Variants in CDH13 observed in about 807,000 individuals in gnomAD.
CDH13 encodes the protein cadherin 13.
A neutral mutation model predicts 63.8 loss-of-function variants in CDH13; 24 were observed. The ratio of observed to expected loss-of-function variants is 0.38; its 90% confidence interval spans 0.27 to 0.53. The LOEUF (loss-of-function observed/expected upper bound fraction) is 0.53. CDH13 is among the 20% of genes least tolerant of loss of function. The pLI, the probability that CDH13 is intolerant of heterozygous loss-of-function variation, is 0.85. For missense variants in CDH13, 1,049 were observed against 903.1 expected (o/e 1.16, Z -2.07); for synonymous variants, 503 against 355.3 (o/e 1.42, Z -4.67).
intron 1 of CDH13, among the ~76,000 whole-genome samples, chr16:82,813,334 C>G (rs374702408): frequency 1.3e-5 from 2 of 152,106 alleles, no homozygotes; most frequent in African/African-American, 4.8e-5. Flanking sequence ...CTCTTGGGAT[C>G]AGAACTGCAG....
At chr16:82,981,269 C>G (rs377661568) in intron 2 of CDH13, among the ~76,000 whole-genome samples, 2 of 152,148 alleles carry the variant, frequency 1.3e-5, no homozygotes, top group East Asian at 1.9e-4. Context: ...AGTTTGTGTC[C>G]TGATAAATGT....
At chr16:83,758,143 C>T (rs1913667300) in intron 11 of CDH13, among the ~76,000 whole-genome samples, 1 of 151,882 alleles carries the variant, frequency 6.6e-6, no homozygotes, top group South Asian at 2.1e-4. Context: ...GATGGCTTTG[C>T]TACATGTTTC....
intron 1 of CDH13, among the ~76,000 whole-genome samples, chr16:82,708,367 C>T (rs1448283716): frequency 6.6e-6 from 1 of 152,146 alleles, no homozygotes; most frequent in African/African-American, 2.4e-5. Flanking sequence ...TAAGGGGATG[C>T]AAGAAACACT....
At chr16:82,834,347 C>T (rs80062332) in intron 1 of CDH13, among the ~76,000 whole-genome samples, 63 of 152,250 alleles carry the variant, frequency 4.1e-4, no homozygotes, top group African/African-American at 1.5e-3. Flanking sequence ...CACGAGGAGG[C>T]CCCTAAACAT....
At chr16:82,850,547 C>G (rs542046027) in intron 1 of CDH13, among the ~76,000 whole-genome samples, 1 of 152,148 alleles carries the variant, frequency 6.6e-6, no homozygotes, top group Non-Finnish European at 1.5e-5. Flanking sequence ...CGTACCTAAA[C>G]TTAGTTGATA....
chr16:82,747,419 A>G (rs527651648), intron 1 of CDH13, among the ~76,000 whole-genome samples: 1 of 151,998 alleles, frequency 6.6e-6, no homozygotes, highest in Non-Finnish European at 1.5e-5. Context: ...TTAGGTATAA[A>G]TGAAAGGTCT....
At chr16:82,748,305 C>A (rs906984899) in intron 1 of CDH13, among the ~76,000 whole-genome samples, 5 of 152,182 alleles carry the variant, frequency 3.3e-5, no homozygotes, top group Admixed American at 3.3e-4. Flanking sequence ...GGCTTCATTG[C>A]ACATGGCAAT....
intron 3 of CDH13, among the ~76,000 whole-genome samples, chr16:83,078,984 G>A (rs1220685126): frequency 2.6e-5 from 4 of 152,014 alleles, no homozygotes; most frequent in South Asian, 2.1e-4. Flanking sequence ...TAGTAGAGAC[G>A]GGGTTTCACC....
At chr16:83,390,847 G>A (rs2091772098) in intron 6 of CDH13, among the ~76,000 whole-genome samples, 1 of 152,158 alleles carries the variant, frequency 6.6e-6, no homozygotes, top group South Asian at 2.1e-4. Context: ...CAACTCAGGG[G>A]AAGATTTGCT....
At chr16:83,496,198 C>G (rs2074139459) in intron 7 of CDH13, among the ~76,000 whole-genome samples, 1 of 151,812 alleles carries the variant, frequency 6.6e-6, no homozygotes, top group Admixed American at 6.6e-5. Context: ...GCCCGCATCG[C>G]CAAGTCAATC....
At chr16:83,531,893 TCA>T (rs2075091717) in intron 7 of CDH13, among the ~76,000 whole-genome samples, 1 of 152,166 alleles carries the variant, frequency 6.6e-6, no homozygotes, top group Admixed American at 6.5e-5. Context: ...GTTAGGGCAG[TCA>T]CAAGAAGCTC....
intron 2 of CDH13, among the ~76,000 whole-genome samples, chr16:82,918,657 C>T (rs1380576116): frequency 1.3e-5 from 2 of 152,008 alleles, no homozygotes; most frequent in Non-Finnish European, 2.9e-5. Context: ...TACAGGTACC[C>T]ACTGCCACGC....
intron 10 of CDH13, among the ~76,000 whole-genome samples, chr16:83,712,225 A>G (rs913428868): frequency 4.6e-5 from 7 of 152,132 alleles, no homozygotes; most frequent in African/African-American, 1.7e-4. Context: ...GCACCACTAA[A>G]ATTTGGCAGC....
intron 2 of CDH13, among the ~76,000 whole-genome samples, chr16:83,029,624 T>G (rs1916121796): frequency 6.6e-6 from 1 of 151,926 alleles, no homozygotes; most frequent in Non-Finnish European, 1.5e-5. Flanking sequence ...TAGGAGAGAG[T>G]GCATACTGTA....
At chr16:83,339,497 G>C (rs1231559363) in intron 5 of CDH13, among the ~76,000 whole-genome samples, 4 of 152,136 alleles carry the variant, frequency 2.6e-5, no homozygotes, top group Non-Finnish European at 5.9e-5. Context: ...ACTTTCATGT[G>C]TTATTTTAGT....
chr16:83,069,025 A>G (rs1445476072), intron 3 of CDH13, among the ~76,000 whole-genome samples: 1 of 152,232 alleles, frequency 6.6e-6, no homozygotes, highest in Admixed American at 6.5e-5. Context: ...TGGATATCCC[A>G]GAACAAGAAG....
At chr16:82,681,037 C>T (rs150969169) in intron 1 of CDH13, among the ~76,000 whole-genome samples, 1 of 152,194 alleles carries the variant, frequency 6.6e-6, no homozygotes, top group East Asian at 1.9e-4. Context: ...AATGAGGATG[C>T]AGATGAGAGC....
intron 1 of CDH13, among the ~76,000 whole-genome samples, chr16:82,832,883 G>C (rs1468522379): frequency 6.6e-6 from 1 of 152,210 alleles, no homozygotes; most frequent in Non-Finnish European, 1.5e-5. Flanking sequence ...TGATTCAGAT[G>C]ACAGCTTCCA....
intron 1 of CDH13, among the ~76,000 whole-genome samples, chr16:82,795,697 C>G (rs376991871): frequency 6.6e-6 from 1 of 152,156 alleles, no homozygotes; most frequent in Non-Finnish European, 1.5e-5. Context: ...TCTTAACCAC[C>G]CTATTGACCC....
Sources: allele counts gnomAD v4.1 joint callset (sites outside exome capture counted in the v4.1 genomes callset), GRCh38; gene constraint gnomAD v4.1.1; transcripts MANE v1.5; gene names NCBI Gene and HGNC (gene_info 2026-07-23, HGNC 2026-07-21).